The following ADAM32 variants were observed in gnomAD, a reference collection of about 807,000 sequenced individuals.
The protein encoded by ADAM32 is disintegrin and metalloproteinase domain-containing protein 32.
In ADAM32, 89 loss-of-function variants were observed where a neutral mutation model predicts 114.9. That is an observed-to-expected ratio of 0.77 (90% CI 0.65 to 0.92). The LOEUF (loss-of-function observed/expected upper bound fraction) is 0.92. ADAM32 is among the 40% of genes least tolerant of loss of function. The probability of loss-of-function intolerance (pLI) is 0.00; values close to 1 mark genes in which losing one functional copy is unlikely to be tolerated. For synonymous variants in ADAM32, 285 were observed against 307.5 expected (o/e 0.93, Z 0.77); for missense variants, 870 against 932.8 (o/e 0.93, Z 0.88).
At chr8:39,236,098 A>G (rs1810122564) in intron 16 of ADAM32, among the ~76,000 whole-genome samples, 1 of 152,196 alleles carries the variant, frequency 6.6e-6, no homozygotes, top group Non-Finnish European at 1.5e-5. Context: ...ATATATCTTC[A>G]GCCCTCTGAT....
intron 2 of ADAM32, among the ~76,000 whole-genome samples, chr8:39,132,261 A>G (rs938763457): frequency 3.3e-5 from 5 of 152,234 alleles, no homozygotes; most frequent in African/African-American, 1.2e-4. Flanking sequence ...TTGGATTTCT[A>G]GATCATTTGC....
In ADAM32 at chr8:39,263,992, C is replaced by T. The variant is rs534058577; in HGVS notation, c.2162+6649C>T. ...TGAAAAGTAACACCCATTAAACCAT[C>T]GACATAATCAAGATGATAAAGGTAT... is the stretch of plus-strand genomic sequence containing the variant. On this transcript the variant is annotated intron_variant, in intron 19 of 24. Transcript: ENST00000379907. Among the ~76,000 whole-genome samples the T allele has an allele frequency of 9.2e-5, 14 of 152,240 alleles. No homozygotes were observed. The East Asian group carries it at 1.7e-3, about 19-fold the overall frequency.
At chr8:39,284,107 T>G (rs1213019649) in intron 24 of ADAM32, among the ~76,000 whole-genome samples, 1 of 152,198 alleles carries the variant, frequency 6.6e-6, no homozygotes, top group Non-Finnish European at 1.5e-5. Flanking sequence ...CAATCTTTAT[T>G]AATCTTGTTA....
chr8:39,123,704 C>T (rs1242174999), intron 2 of ADAM32, among the ~76,000 whole-genome samples: 6 of 132,166 alleles, frequency 4.5e-5, no homozygotes, highest in South Asian at 2.4e-4. Context: ...ATTTTCTTTC[C>T]TTTTTTTTTT....
intron 10 of ADAM32, among the ~76,000 whole-genome samples, chr8:39,181,757 G>T (rs1219058975): frequency 6.6e-6 from 1 of 152,218 alleles, no homozygotes; most frequent in African/African-American, 2.4e-5. Context: ...GGAACCATGA[G>T]TTAGATGTGC....
chr8:39,220,753 T>C (rs985163515), intron 12 of ADAM32, among the ~76,000 whole-genome samples: 5 of 152,098 alleles, frequency 3.3e-5, no homozygotes, highest in Admixed American at 3.3e-4. Flanking sequence ...TCTAGTTTTA[T>C]TCCCTTATGA....
At chr8:39,178,028 G>A (rs1408604508) in intron 10 of ADAM32, among the ~76,000 whole-genome samples, 2 of 151,880 alleles carry the variant, frequency 1.3e-5, no homozygotes, top group Non-Finnish European at 2.9e-5. Context: ...ATCTTACTGG[G>A]GTTCTCTGGG....
intron 11 of ADAM32, among the ~76,000 whole-genome samples, chr8:39,207,615 G>T (rs1391453633): frequency 6.6e-6 from 1 of 152,074 alleles, no homozygotes; most frequent in Non-Finnish European, 1.5e-5. Context: ...TTGTCATTTG[G>T]TATAGTCACC....
chr8:39,249,116 G>T (rs1316806579), intron 17 of ADAM32, among the ~76,000 whole-genome samples: 1 of 152,012 alleles, frequency 6.6e-6, no homozygotes, highest in Non-Finnish European at 1.5e-5. Context: ...GTGTTAGCCA[G>T]GATGGTCTCG....
At chr8:39,172,053 A>T (rs1805236206) in intron 10 of ADAM32, among the ~76,000 whole-genome samples, 2 of 151,352 alleles carry the variant, frequency 1.3e-5, no homozygotes, top group African/African-American at 4.8e-5. Context: ...TATAAATAAT[A>T]TTAACTATTG....
chr8:39,199,382 C>T (rs1200254863), intron 11 of ADAM32, among the ~76,000 whole-genome samples: 1 of 152,066 alleles, frequency 6.6e-6, no homozygotes, highest in Non-Finnish European at 1.5e-5. Flanking sequence ...GTCATGTAGG[C>T]TTTCTGTCAT....
intron 16 of ADAM32, among the ~76,000 whole-genome samples, chr8:39,244,995 GATAA>G (rs1810811445): frequency 6.6e-6 from 1 of 152,054 alleles, no homozygotes; most frequent in African/African-American, 2.4e-5. Flanking sequence ...TAAAAACAAA[GATAA>G]ATAGATGGGA....
chr8:39,238,315 C>T (rs1251903796), intron 16 of ADAM32, among the ~76,000 whole-genome samples: 1 of 152,124 alleles, frequency 6.6e-6, no homozygotes, highest in Non-Finnish European at 1.5e-5. Flanking sequence ...GTGGCTAGAC[C>T]CAGAAGAGCA....
At chr8:39,140,485 G>A (rs1016449237) in intron 3 of ADAM32, among the ~76,000 whole-genome samples, 8 of 152,180 alleles carry the variant, frequency 5.3e-5, no homozygotes, top group Admixed American at 2.6e-4. Flanking sequence ...AACCAGCCTT[G>A]CATCCCAGGG....
chr8:39,202,813 G>A (rs1807522747), intron 11 of ADAM32, among the ~76,000 whole-genome samples: 1 of 152,192 alleles, frequency 6.6e-6, no homozygotes, highest in South Asian at 2.1e-4. Context: ...ATGTGTCCCA[G>A]AGATTCTGGT....
In ADAM32 at chr8:39,232,133, G is replaced by A; in HGVS notation, c.1632G>A (p.Trp544Ter). 2 of 1,583,460 alleles carry A rather than the reference G, an allele frequency of 1.3e-6. No individual in the cohort carries two copies. Among genetic ancestry groups the A allele is most frequent in the Non-Finnish European group, 1.7e-6 (2 of 1,158,316 alleles). Reference sequence around the variant, plus strand: ...ATAACAAATATGTGTTCTGTGGATGGAGGTATGCTCTACAAATATAAATGA... The same window carrying A: ...ATAACAAATATGTGTTCTGTGGATGAAGGTATGCTCTACAAATATAAATGA... ...DRNNKYVFCG[W>*]RNLICGRLVC... Residue 544 changes from tryptophan to a stop codon, truncating the protein, a stop_gained and splice_region_variant, in exon 15 of 25, where the codon TGG (tryptophan) becomes TGA (stop). Transcript: ENST00000379907. LOFTEE classifies it high-confidence loss of function.
chr8:39,227,212 G>A (rs189331253), intron 14 of ADAM32, among the ~76,000 whole-genome samples: 1 of 152,294 alleles, frequency 6.6e-6, no homozygotes, highest in African/African-American at 2.4e-5. Context: ...GGGAAAGGGG[G>A]ACCCTCCCTT....
intron 23 of ADAM32, among the ~76,000 whole-genome samples, chr8:39,281,743 C>T (rs1813432969): frequency 6.6e-6 from 1 of 152,122 alleles, no homozygotes; most frequent in African/African-American, 2.4e-5. Flanking sequence ...GCTTTGTGAT[C>T]CTTCTGAAGT....
chr8:39,239,284 C>G (rs958548030), intron 16 of ADAM32, among the ~76,000 whole-genome samples: 1 of 152,076 alleles, frequency 6.6e-6, no homozygotes, highest in Non-Finnish European at 1.5e-5. Flanking sequence ...TTAAACAAAA[C>G]AATTATCAGC....
Sources: gnomAD v4.1 joint callset for allele counts (sites outside exome capture counted in the v4.1 genomes callset) on GRCh38, gnomAD v4.1.1 for gene constraint, MANE v1.5 for transcripts, NCBI Gene and HGNC (gene_info 2026-07-23, HGNC 2026-07-21) for gene names.